Variants in NCKAP1 observed in about 807,000 individuals in gnomAD.
NCKAP1 encodes nck-associated protein 1.
In NCKAP1, 21 loss-of-function variants were observed where a neutral mutation model predicts 151.2. The observed-to-expected ratio is 0.14, with a 90% CI of 0.10 to 0.20. The LOEUF (loss-of-function observed/expected upper bound fraction) is 0.20, where lower values mean the gene tolerates loss of function less well. Among genes scored for constraint, NCKAP1 ranks in the 10% least tolerant of loss-of-function variants. The pLI is 1.00. For missense variants in NCKAP1, 933 were observed against 1,352.1 expected (o/e 0.69, Z 4.86); for synonymous variants, 484 against 451.8 (o/e 1.07, Z -0.90).
chr2:183,012,105 G>T (rs1698599930), intron 2 of NCKAP1, among the ~76,000 whole-genome samples: 1 of 152,132 alleles, frequency 6.6e-6, no homozygotes. Flanking sequence ...TAGGTGCAAG[G>T]TTTAAAGATG....
chr2:183,028,556 A>T (rs1698942369), intron 1 of NCKAP1, among the ~76,000 whole-genome samples: 1 of 152,182 alleles, frequency 6.6e-6, no homozygotes, highest in South Asian at 2.1e-4. Context: ...GGTCAAGTGC[A>T]TAATAGCCTA....
In NCKAP1 at chr2:182,976,863, A is replaced by G. The variant is rs532237712; in HGVS notation, c.1482+30T>C. On this transcript the variant is annotated intron_variant, in intron 15 of 30. Coordinates refer to ENST00000361354, the MANE Select transcript of NCKAP1 (RefSeq NM_013436.5). ...TTTTTCATGTTAACTAAAATAACAAAACAGAATGACAATAAAAGGTTATTC... is the reference window on the plus strand; with the variant it reads ...TTTTTCATGTTAACTAAAATAACAAGACAGAATGACAATAAAAGGTTATTC... The G allele has an allele frequency of 1.6e-5, 23 of 1,395,170 alleles. No individual in the cohort carries two copies. In the African/African-American group the frequency reaches 3.4e-4, roughly 21 times the overall value. The allele number at this position is 1,395,170 out of a possible 1,614,324, so 86.4% of individuals were successfully genotyped here. A position where few individuals can be genotyped will look rare whatever the true frequency, so the allele number is the denominator to read the frequency against.
At chr2:183,036,625 G>A (rs564790390) in intron 1 of NCKAP1, among the ~76,000 whole-genome samples, 1 of 152,222 alleles carries the variant, frequency 6.6e-6, no homozygotes, top group South Asian at 2.1e-4. Flanking sequence ...AACTGAGTAA[G>A]CATGTTGCAG....
In NCKAP1 at chr2:183,010,132, C is replaced by T. The variant is rs1281376183; in HGVS notation, c.220-6807G>A. Among the ~76,000 whole-genome samples the T allele has an allele frequency of 2.0e-5, 3 of 152,316 alleles. No individual in the cohort carries two copies. In the East Asian group the frequency reaches 5.8e-4, roughly 29 times the overall value. On this transcript the variant is annotated intron_variant, in intron 2 of 30. Transcript: ENST00000361354. ...AACTTAAAATTTGTGTCCATGCCTC[C>T]TTGCAATAGAACTCTACTGCCTCCA...
At chr2:182,929,157 G>C (rs1032187693) in intron 27 of NCKAP1, among the ~76,000 whole-genome samples, 14 of 151,712 alleles carry the variant, frequency 9.2e-5, no homozygotes, top group African/African-American at 3.1e-4. Flanking sequence ...AGTAAGGTAA[G>C]ATTTTATTTT....
intron 5 of NCKAP1, 25 bp from the exon 6 acceptor site, chr2:183,002,068 A>T: frequency 6.2e-7 from 1 of 1,612,494 alleles, no homozygotes; most frequent in Non-Finnish European, 8.5e-7. Flanking sequence ...ATCAAATTTC[A>T]ATGAGTTGTA....
chr2:182,937,372 T>C (rs562406794), intron 24 of NCKAP1, among the ~76,000 whole-genome samples: 2 of 152,126 alleles, frequency 1.3e-5, no homozygotes, highest in Non-Finnish European at 2.9e-5. Flanking sequence ...CCACTGGCAC[T>C]TCCCTTCACC....
intron 3 of NCKAP1, 40 bp downstream of exon 3, chr2:183,003,193 T>C: frequency 7.7e-7 from 1 of 1,292,222 alleles, no homozygotes. Context: ...CATTTAAATC[T>C]ACTTCTGAAG....
intron 23 of NCKAP1, among the ~76,000 whole-genome samples, chr2:182,947,896 T>C (rs1461843186): frequency 6.6e-6 from 1 of 151,820 alleles, no homozygotes; most frequent in East Asian, 1.9e-4. Context: ...AGAATACGTA[T>C]GAAGTATGCC....
intron 6 of NCKAP1, among the ~76,000 whole-genome samples, chr2:182,996,773 A>G (rs1698278669): frequency 6.6e-6 from 1 of 152,026 alleles, no homozygotes; most frequent in South Asian, 2.1e-4. Context: ...TGATTCTTTA[A>G]TCTGACTGCA....
In NCKAP1 at chr2:182,942,071, T is replaced by C. The variant is rs1323836607; in HGVS notation, c.2694A>G (p.Ser898=). 2 of 1,607,800 alleles carry C rather than the reference T, an allele frequency of 1.2e-6. No individual in the cohort carries two copies. The highest frequency in any genetic ancestry group is 1.3e-5 in the African/African-American group (1 of 74,804). The change falls in exon 24 of 31, where the codon TCA becomes TCG. Residue 898 remains serine (S), a splice_region_variant and synonymous_variant. Coordinates refer to ENST00000361354, the MANE Select transcript of NCKAP1 (RefSeq NM_013436.5). ...TAAAAAGTATCATGAGTTACCCACA[T>C]GATAATCTTTTAAACAGTGCAGCCA... is the stretch of plus-strand genomic sequence containing the variant. The part of the protein sequence containing the change: ...DQMAALFKRL[S]SVDSVLKRMT...
At chr2:182,985,497 G>A (rs940167285) in intron 10 of NCKAP1, among the ~76,000 whole-genome samples, 1 of 152,058 alleles carries the variant, frequency 6.6e-6, no homozygotes, top group Admixed American at 6.6e-5. Context: ...TTGGGAAAGA[G>A]GTGTACTCTT....
intron 17 of NCKAP1, among the ~76,000 whole-genome samples, chr2:182,964,079 T>C (rs1193816227): frequency 2.0e-5 from 3 of 152,148 alleles, no homozygotes; most frequent in Non-Finnish European, 2.9e-5. Context: ...TTTATATTTT[T>C]ATCACATAGA....
At chr2:183,006,071 C>T (rs1306346990) in intron 2 of NCKAP1, among the ~76,000 whole-genome samples, 1 of 152,164 alleles carries the variant, frequency 6.6e-6, no homozygotes, top group African/African-American at 2.4e-5. Flanking sequence ...TTTCCCCAGT[C>T]CATATCATAC....
At chr2:183,007,968 C>T (rs1698512357) in intron 2 of NCKAP1, among the ~76,000 whole-genome samples, 1 of 152,014 alleles carries the variant, frequency 6.6e-6, no homozygotes, top group Admixed American at 6.6e-5. Flanking sequence ...CTCTTGTTGC[C>T]CAGGCTGGAG....
Position 182,952,847 on chromosome 2 carries a change from A to G in NCKAP1, c.2449T>C (p.Leu817=), listed in dbSNP as rs1697240968. 6 of 1,612,000 alleles carry G rather than the reference A, an allele frequency of 3.7e-6. No homozygotes were observed. Among genetic ancestry groups the G allele is most frequent in the Non-Finnish European group, 4.2e-6 (5 of 1,178,694 alleles). ...AATGTTAATTCATTTTCTGTAGGTA[A>G]GTTCACAAACGCTTTCATTGCAGGA... ...YFPAMKAFVN[L]PTENELTFNA... Residue 817 remains leucine (L), a synonymous_variant, in exon 22 of 31, where the codon TTA becomes CTA. Coordinates refer to ENST00000361354, the MANE Select transcript of NCKAP1 (RefSeq NM_013436.5).
intron 20 of NCKAP1, among the ~76,000 whole-genome samples, chr2:182,955,727 C>T (rs568876117): frequency 1.7e-4 from 26 of 152,234 alleles, no homozygotes; most frequent in African/African-American, 4.3e-4. Context: ...AAACATTTCA[C>T]GAAGCAATAT....
At chr2:182,979,190 A>T (rs1182406803) in intron 13 of NCKAP1, among the ~76,000 whole-genome samples, 1 of 152,136 alleles carries the variant, frequency 6.6e-6, no homozygotes, top group Non-Finnish European at 1.5e-5. Context: ...TTTTAAGGCG[A>T]AAGTATAATG....
chr2:182,957,741 G>C, intron 18 of NCKAP1, 145 bp from the exon 19 acceptor site: 1 of 856,726 alleles, frequency 1.2e-6, no homozygotes, highest in Non-Finnish European at 1.7e-6. Context: ...GAGATACAGA[G>C]CTTACTTAGC....
Sources: allele counts gnomAD v4.1 joint callset (sites outside exome capture counted in the v4.1 genomes callset), GRCh38; gene constraint gnomAD v4.1.1; transcripts MANE v1.5; gene names NCBI Gene and HGNC (gene_info 2026-07-23, HGNC 2026-07-21).